DSG3: variants seen among roughly 807,000 people sequenced by gnomAD.
DSG3 encodes desmoglein 3, also known as desmoglein-3.
A neutral mutation model predicts 85.9 loss-of-function variants in DSG3; 63 were observed. That is an observed-to-expected ratio of 0.73 (90% CI 0.60 to 0.90). DSG3 has a LOEUF of 0.90. DSG3 is among the 40% of genes least tolerant of loss of function. The pLI is 0.00. For synonymous variants in DSG3, 447 were observed against 441.9 expected, an observed-to-expected ratio of 1.01 and a Z score of -0.14; for missense variants, 1,220 against 1,219.9, an observed-to-expected ratio of 1.00 and a Z score of 0.00.
chr18:31,455,578 G>T (rs1201650667), intron 1 of DSG3, among the ~76,000 whole-genome samples: 1 of 152,232 alleles, frequency 6.6e-6, no homozygotes, highest in Non-Finnish European at 1.5e-5. Flanking sequence ...CATCAGTAAA[G>T]ACAATTTCAT....
At chr18:31,474,581 C>T (rs2072875828) in intron 15 of DSG3, among the ~76,000 whole-genome samples, 177 bp downstream of exon 15, 1 of 151,968 alleles carries the variant, frequency 6.6e-6, no homozygotes, top group South Asian at 2.1e-4. Flanking sequence ...CTGTCAAAAT[C>T]GGGTCACTGA....
chr18:31,452,379 C>T (rs2072716646), intron 1 of DSG3, among the ~76,000 whole-genome samples: 1 of 151,920 alleles, frequency 6.6e-6, no homozygotes, highest in Admixed American at 6.6e-5. Context: ...ATTAGCTGGG[C>T]TTGGTGGTGC....
chr18:31,450,948 G>A (rs1395821287), intron 1 of DSG3, among the ~76,000 whole-genome samples: 2 of 152,048 alleles, frequency 1.3e-5, no homozygotes, highest in African/African-American at 2.4e-5. Context: ...GTCAAGAAAG[G>A]GCCTGCATTT....
At chr18:31,454,308 G>A (rs2072728619) in intron 1 of DSG3, among the ~76,000 whole-genome samples, 1 of 152,176 alleles carries the variant, frequency 6.6e-6, no homozygotes, top group Non-Finnish European at 1.5e-5. Flanking sequence ...CGCTGAGAAA[G>A]GAATTGTGCA....
intron 13 of DSG3, 26 bp from the exon 14 acceptor site, chr18:31,472,699 G>C (rs1203275411): frequency 6.2e-7 from 1 of 1,611,958 alleles, no homozygotes; most frequent in East Asian, 2.2e-5. Flanking sequence ...ACTTTTAAAT[G>C]AATTTATTTT....
intron 8 of DSG3, among the ~76,000 whole-genome samples, chr18:31,462,446 A>C (rs531677211): frequency 5.3e-4 from 81 of 152,194 alleles, no homozygotes; most frequent in Middle Eastern, 6.8e-3. Context: ...CAGACCATAT[A>C]ATCCTTTAAC....
chr18:31,460,333 T>C (rs1034105506), intron 6 of DSG3, among the ~76,000 whole-genome samples: 15 of 152,340 alleles, frequency 9.8e-5, no homozygotes, highest in African/African-American at 2.9e-4. Flanking sequence ...GAGAAGCAAG[T>C]GTCTTAGATG....
chr18:31,472,052 A>G (rs2072858684), intron 12 of DSG3, among the ~76,000 whole-genome samples: 1 of 152,156 alleles, frequency 6.6e-6, no homozygotes, highest in African/African-American at 2.4e-5. Flanking sequence ...TACCAAAAAA[A>G]TAACAACAAG....
intron 15 of DSG3, among the ~76,000 whole-genome samples, chr18:31,475,332 G>A (rs2072879785): frequency 6.6e-6 from 1 of 152,156 alleles, no homozygotes; most frequent in African/African-American, 2.4e-5. Flanking sequence ...AGGGGAGAAA[G>A]GGAGGGGTTG....
At chr18:31,467,669 T>G (rs2072830510) in intron 11 of DSG3, among the ~76,000 whole-genome samples, 1 of 152,224 alleles carries the variant, frequency 6.6e-6, no homozygotes, top group South Asian at 2.1e-4. Context: ...AAAATCTCCA[T>G]CCTTTCTGGA....
chr18:31,458,877 A>G (rs1283461830), intron 4 of DSG3, among the ~76,000 whole-genome samples, 156 bp from the exon 5 acceptor site: 2 of 152,210 alleles, frequency 1.3e-5, no homozygotes, highest in Admixed American at 6.5e-5. Context: ...GTCTGCCCAG[A>G]GCAGGCACCT....
intron 5 of DSG3, among the ~76,000 whole-genome samples, 156 bp from the exon 6 acceptor site, chr18:31,459,689 A>T (rs2072771397): frequency 6.6e-6 from 1 of 152,248 alleles, no homozygotes; most frequent in African/African-American, 2.4e-5. Flanking sequence ...GGAGAGACAG[A>T]AAGAGGTATC....
At chr18:31,463,077 T>C (rs1328132750) in intron 8 of DSG3, among the ~76,000 whole-genome samples, 2 of 152,172 alleles carry the variant, frequency 1.3e-5, no homozygotes, top group African/African-American at 2.4e-5. Flanking sequence ...TAAGATGAAA[T>C]TCACAAGGCA....
chr18:31,452,905 A>G (rs1184950142), intron 1 of DSG3, among the ~76,000 whole-genome samples: 5 of 152,160 alleles, frequency 3.3e-5, no homozygotes, highest in African/African-American at 1.2e-4. Flanking sequence ...TATTTTTCTT[A>G]GCATTCTGTC....
intron 11 of DSG3, 91 bp from the exon 12 acceptor site, chr18:31,468,998 A>T: frequency 6.7e-7 from 1 of 1,502,002 alleles, no homozygotes; most frequent in Non-Finnish European, 9.1e-7. Flanking sequence ...TTTATGAATT[A>T]TCCAGTCTGT....
intron 1 of DSG3, among the ~76,000 whole-genome samples, chr18:31,452,854 A>C (rs994218081): frequency 6.6e-6 from 1 of 152,202 alleles, no homozygotes; most frequent in Non-Finnish European, 1.5e-5. Flanking sequence ...TGCAGCCTAC[A>C]CAGCATTTCA....
Position 31,472,808 on chromosome 18 carries a change from T to C in DSG3, c.2101+20T>C, listed in dbSNP as rs1206327192. 1 of 1,609,386 alleles carries C rather than the reference T, an allele frequency of 6.2e-7. No homozygotes were observed. Among genetic ancestry groups the C allele is most frequent in the Admixed American group, 1.7e-5 (1 of 60,022 alleles). ...GTTCTGGTAAGTGGACATAAAATGTTTGAAAGCAATGGTGAGTTAAGTGGT... is the reference window on the plus strand; with the variant it reads ...GTTCTGGTAAGTGGACATAAAATGTCTGAAAGCAATGGTGAGTTAAGTGGT... On this transcript the variant is annotated intron_variant, in intron 14 of 15. Coordinates refer to ENST00000257189, the MANE Select transcript of DSG3 (RefSeq NM_001944.3).
Position 31,474,385 on chromosome 18 carries a change from T to C in DSG3, c.2366T>C (p.Leu789Pro). ...GATGGGGCGATAAGCATGAATTTTC[T>C]GGACTCCTACTTTTCTCAGGTAATT... is the stretch of plus-strand genomic sequence containing the variant. ...YADGAISMNF[L>P]DSYFSQKAFA... Residue 789 changes from leucine (L) to proline (P), a missense_variant, in exon 15 of 16, where the codon CTG (leucine) becomes CCG (proline). Coordinates refer to ENST00000257189, the MANE Select transcript of DSG3 (RefSeq NM_001944.3). 6.2e-7 allele frequency: 1 copy of C among 1,606,452 alleles called. No homozygotes were observed. The highest frequency in any genetic ancestry group is 8.5e-7 in the Non-Finnish European group (1 of 1,174,780).
At chr18:31,461,159 A>G in intron 7 of DSG3, 68 bp from the exon 8 acceptor site, 1 of 1,369,122 alleles carries the variant, frequency 7.3e-7, no homozygotes, top group Non-Finnish European at 9.9e-7. Flanking sequence ...ATTACCATTT[A>G]GAAGAAACAT....
Sources: allele counts gnomAD v4.1 joint callset (sites outside exome capture counted in the v4.1 genomes callset), GRCh38; gene constraint gnomAD v4.1.1; transcripts MANE v1.5; gene names NCBI Gene and HGNC (gene_info 2026-07-23, HGNC 2026-07-21).